The following SEM1 variants were observed in gnomAD, a reference collection of about 807,000 sequenced individuals.
SEM1 encodes SEM1 26S proteasome subunit.
In SEM1, 3 loss-of-function variants were observed where a neutral mutation model predicts 12.7. The ratio of observed to expected loss-of-function variants is 0.24; its 90% CI spans 0.11 to 0.61. The LOEUF (loss-of-function observed/expected upper bound fraction) is 0.61. Ranked by LOEUF, SEM1 falls within the 20% of genes least tolerant of loss-of-function variation. SEM1 has a pLI of 0.88. For synonymous variants in SEM1, 30 were observed against 27.8 expected (o/e 1.08, Z -0.25); for missense variants, 59 against 81.3 (o/e 0.73, Z 1.06).
downstream of SEM1, among the ~76,000 whole-genome samples, chr7:96,685,128 G>A (rs1484661664): frequency 6.6e-6 from 1 of 152,038 alleles, no homozygotes; most frequent in Non-Finnish European, 1.5e-5. Context: ...CAGTGCAGAC[G>A]ACAACATGCT....
rs1027897028 is a variant in SEM1, at chr7:96,691,939, T to C, written c.170+2859A>G. Among the ~76,000 whole-genome samples, 6 of 152,186 alleles carry C rather than the reference T, an allele frequency of 3.9e-5. No individual in the cohort carries two copies. The South Asian group carries it at 1.2e-3, about 32-fold the overall frequency. On this transcript the variant is annotated intron_variant, in intron 2 of 2. Transcript: ENST00000248566. ...GTGAAGAAAGAACTCATGACTCAAA[T>C]GGGGAAATAAAAAGAAAAATCTTAT...
chr7:96,594,491 G>T (rs973099620), intron 2 of SEM1, among the ~76,000 whole-genome samples: 2 of 152,088 alleles, frequency 1.3e-5, no homozygotes, highest in Non-Finnish European at 2.9e-5. Context: ...TATGGAGCAG[G>T]GATGCATAGG....
chr7:96,487,366 G>A lies in SEM1; in HGVS notation c.13-949C>T, dbSNP rs182215612. Among the ~76,000 whole-genome samples the A allele has an allele frequency of 1.2e-3, 175 of 150,006 alleles. 2 individuals carry two copies. The highest frequency in any genetic ancestry group is 0.01 in the Admixed American group (158 of 15,234). ...ATTAGTAACACTAACCCAAAACATC[G>A]AAAGTGTTGATGTTTTGATCAGTAT... On this transcript the variant is annotated intron_variant, in intron 1 of 3. Coordinates refer to the SEM1 transcript ENST00000356686.
intron 2 of SEM1, among the ~76,000 whole-genome samples, chr7:96,648,370 G>A (rs930185574): frequency 2.6e-5 from 4 of 152,156 alleles, no homozygotes; most frequent in African/African-American, 9.7e-5. Context: ...AGTGGACACA[G>A]AAAGAGCCAC....
intron 2 of SEM1, among the ~76,000 whole-genome samples, chr7:96,661,518 G>A (rs1563102444): frequency 6.6e-6 from 1 of 152,178 alleles, no homozygotes; most frequent in African/African-American, 2.4e-5. Flanking sequence ...CCTACCAGAT[G>A]TAAGGACTTG....
intron 2 of SEM1, among the ~76,000 whole-genome samples, chr7:96,531,895 A>ACTTTCATTTTTATCC (rs1804653955): frequency 6.6e-6 from 1 of 152,036 alleles, no homozygotes; most frequent in African/African-American, 2.4e-5. Flanking sequence ...TATTTTTATC[A>ACTTTCATTTTTATCC]CTTTCATTTT....
At chr7:96,523,431 A>G (rs1408200341) in intron 2 of SEM1, among the ~76,000 whole-genome samples, 1 of 152,096 alleles carries the variant, frequency 6.6e-6, no homozygotes, top group Non-Finnish European at 1.5e-5. Context: ...AGCATAAAAA[A>G]TTTTACCTGA....
At chr7:96,602,152 T>A (rs1584798069) in intron 2 of SEM1, among the ~76,000 whole-genome samples, 1 of 152,274 alleles carries the variant, frequency 6.6e-6, no homozygotes, top group Non-Finnish European at 1.5e-5. Flanking sequence ...GGAAAGCTTC[T>A]TGGTTGAAGA....
chr7:96,662,023 C>T (rs1031190077), intron 2 of SEM1, among the ~76,000 whole-genome samples: 2 of 146,590 alleles, frequency 1.4e-5, no homozygotes, highest in African/African-American at 5.0e-5. Flanking sequence ...CAGCAAACAA[C>T]AGATGCTGGC....
chr7:96,528,375 A>G (rs1804537423), intron 2 of SEM1, among the ~76,000 whole-genome samples: 1 of 152,068 alleles, frequency 6.6e-6, no homozygotes, highest in South Asian at 2.1e-4. Context: ...TAATTTTACT[A>G]GAGACTGGGT....
intron 2 of SEM1, among the ~76,000 whole-genome samples, chr7:96,529,978 G>A (rs2115706896): frequency 6.6e-6 from 1 of 152,164 alleles, no homozygotes; most frequent in Admixed American, 6.5e-5. Flanking sequence ...TGCAGAAGAT[G>A]CTACTTAACT....
At chr7:96,626,648 A>G (rs1808079132) in intron 2 of SEM1, among the ~76,000 whole-genome samples, 1 of 152,102 alleles carries the variant, frequency 6.6e-6, no homozygotes. Flanking sequence ...CTCAGTCATG[A>G]TGAATGATCT....
intron 2 of SEM1, among the ~76,000 whole-genome samples, chr7:96,637,986 T>G (rs1808479858): frequency 6.6e-6 from 1 of 152,020 alleles, no homozygotes; most frequent in East Asian, 1.9e-4. Context: ...AGAGCAACCC[T>G]GTCACAGAGC....
At chr7:96,574,093 A>G (rs1396039436) in intron 2 of SEM1, among the ~76,000 whole-genome samples, 3 of 151,188 alleles carry the variant, frequency 2.0e-5, no homozygotes, top group Admixed American at 1.3e-4. Flanking sequence ...CGCTCCTCCC[A>G]CCCCACAACA....
intron 1 of SEM1, among the ~76,000 whole-genome samples, chr7:96,703,405 A>C (rs1307815796): frequency 6.6e-6 from 1 of 152,216 alleles, no homozygotes; most frequent in Non-Finnish European, 1.5e-5. Flanking sequence ...TGGTTTAGAG[A>C]AAAATGTTTG....
chr7:96,673,422 T>A, downstream of SEM1: 1 of 218,220 alleles, frequency 4.6e-6, no homozygotes. Flanking sequence ...ACCTCCTTTT[T>A]ATATGAAAGA....
intron 2 of SEM1, among the ~76,000 whole-genome samples, chr7:96,581,804 T>G (rs925996264): frequency 6.6e-6 from 1 of 151,234 alleles, no homozygotes; most frequent in Admixed American, 6.6e-5. Context: ...ATGCTTGTGA[T>G]TTTTGTACAT....
At chr7:96,689,577 A>G (rs1381298568) in intron 2 of SEM1, among the ~76,000 whole-genome samples, 1 of 152,268 alleles carries the variant, frequency 6.6e-6, no homozygotes, top group Non-Finnish European at 1.5e-5. Flanking sequence ...ATTACATCCA[A>G]TAAGATAGAC....
intron 2 of SEM1, among the ~76,000 whole-genome samples, chr7:96,639,914 C>G (rs1230943889): frequency 6.6e-6 from 1 of 151,934 alleles, no homozygotes; most frequent in African/African-American, 2.4e-5. Flanking sequence ...AAGACCTCAA[C>G]AGACATCTCA....
Sources: gnomAD v4.1 joint callset for allele counts (sites outside exome capture counted in the v4.1 genomes callset) on GRCh38, gnomAD v4.1.1 for gene constraint, MANE v1.5 for transcripts, NCBI Gene and HGNC (gene_info 2026-07-23, HGNC 2026-07-21) for gene names.